Variants in TUSC3 observed in about 807,000 individuals in gnomAD.
TUSC3 encodes the protein dolichyl-diphosphooligosaccharide--protein glycosyltransferase subunit TUSC3.
TUSC3 carries 45 observed loss-of-function variants against 44.8 expected under a neutral mutation model. The ratio of observed to expected loss-of-function variants is 1.00; its 90% CI spans 0.79 to 1.29. TUSC3 has a LOEUF of 1.29. Among genes scored for constraint, TUSC3 ranks in the 50% most tolerant of loss-of-function variants. The pLI, the probability that TUSC3 is intolerant of heterozygous loss-of-function variation, is 0.00. For synonymous variants in TUSC3, 212 were observed against 152.9 expected (o/e 1.39, Z -2.85); for missense variants, 519 against 437.9 (o/e 1.19, Z -1.65).
At chr8:15,642,035 G>T (rs983392763) in intron 2 of TUSC3, among the ~76,000 whole-genome samples, 1 of 152,104 alleles carries the variant, frequency 6.6e-6, no homozygotes, top group Non-Finnish European at 1.5e-5. Context: ...TAATATACCA[G>T]TTATACCTCA....
intron 2 of TUSC3, among the ~76,000 whole-genome samples, chr8:15,527,364 C>T (rs1171726187): frequency 6.6e-6 from 1 of 151,884 alleles, no homozygotes; most frequent in African/African-American, 2.4e-5. Context: ...TTACAGGTGC[C>T]CGGCACCACA....
the TUSC3 span, among the ~76,000 whole-genome samples, chr8:15,797,786 G>C: frequency 4.6e-5 from 7 of 152,306 alleles, no homozygotes; most frequent in African/African-American, 1.4e-4. Flanking sequence ...AGACAACACA[G>C]CAAGTGCTAT....
intron 1 of TUSC3, among the ~76,000 whole-genome samples, chr8:15,583,824 C>G (rs975353635): frequency 2.0e-5 from 3 of 152,020 alleles, no homozygotes; most frequent in Admixed American, 1.3e-4. Context: ...TATGTATATC[C>G]TAAAACCAGA....
chr8:15,728,294 C>G (rs909615722), intron 6 of TUSC3, among the ~76,000 whole-genome samples: 3 of 152,120 alleles, frequency 2.0e-5, no homozygotes, highest in Admixed American at 6.6e-5. Context: ...TTGCAATCAT[C>G]TAGGCAAGAG....
intron 6 of TUSC3, among the ~76,000 whole-genome samples, chr8:15,718,609 G>T (rs921363798): frequency 6.6e-6 from 1 of 151,560 alleles, no homozygotes; most frequent in Non-Finnish European, 1.5e-5. Flanking sequence ...AATATAAAAA[G>T]AGAATAGAAC....
At chr8:15,774,008 C>A in the TUSC3 span, among the ~76,000 whole-genome samples, 2 of 152,088 alleles carry the variant, frequency 1.3e-5, no homozygotes, top group African/African-American at 4.8e-5. Context: ...TTGGATATGA[C>A]TTCAAAAGCA....
Position 15,704,354 on chromosome 8 carries a change from G to T in TUSC3, c.799-26312G>T, listed in dbSNP as rs189733593. Among the ~76,000 whole-genome samples, 34 of 150,726 alleles carry T rather than the reference G, an allele frequency of 2.3e-4. No homozygotes were observed. The East Asian group carries it at 6.7e-3, about 30-fold the overall frequency. The stretch of plus-strand genomic sequence containing the variant: ...GATATGATTAGAGTGACACGGTGCT[G>T]TGCTGTGGGGCAGGGGCAAGAGCAC... On this transcript the variant is annotated intron_variant, in intron 6 of 10. Coordinates refer to ENST00000503731, the MANE Select transcript of TUSC3 (RefSeq NM_006765.4).
At chr8:15,739,222 T>G (rs1284886982) in intron 7 of TUSC3, among the ~76,000 whole-genome samples, 2 of 152,320 alleles carry the variant, frequency 1.3e-5, no homozygotes, top group South Asian at 2.1e-4. Flanking sequence ...AGTTGGACAT[T>G]TACATTTTAA....
chr8:15,433,912 G>T (rs1799911598), intron 1 of TUSC3, among the ~76,000 whole-genome samples: 1 of 152,026 alleles, frequency 6.6e-6, no homozygotes, highest in South Asian at 2.1e-4. Flanking sequence ...AAAACATAAA[G>T]CTAGGAATAT....
chr8:15,548,351 T>C (rs1335582212), intron 1 of TUSC3, among the ~76,000 whole-genome samples: 1 of 151,898 alleles, frequency 6.6e-6, no homozygotes, highest in African/African-American at 2.4e-5. Flanking sequence ...CATCATTATT[T>C]CAGCATCTTG....
At chr8:15,812,773 A>G in the TUSC3 span, among the ~76,000 whole-genome samples, 577 of 152,210 alleles carry the variant, frequency 3.8e-3, 4 homozygotes, top group African/African-American at 0.013. Flanking sequence ...GGAATGTAAC[A>G]TATACCATGA....
chr8:15,527,452 C>T (rs537186193), intron 2 of TUSC3, among the ~76,000 whole-genome samples: 3 of 152,246 alleles, frequency 2.0e-5, no homozygotes, highest in South Asian at 4.1e-4. Context: ...CCTGACCGTA[C>T]GTGATCCACC....
chr8:15,765,673 A>G lies in TUSC3; in HGVS notation c.*1517A>G, dbSNP rs1371679720. 1 of 152,050 alleles carries G rather than the reference A, an allele frequency of 6.6e-6. No individual in the cohort carries two copies. Among genetic ancestry groups the G allele is most frequent in the Non-Finnish European group, 1.5e-5 (1 of 67,964 alleles). The allele number at this position is 152,050 out of a possible 1,614,324, so 9.4% of individuals were successfully genotyped here. A position where few individuals can be genotyped will look rare whatever the true frequency, so the allele number is the denominator to read the frequency against. ...TTATAATCATACTCCCAAATCTGTT[A>G]CTAAAAATAACATAAATTCTCCTAG... is the stretch of plus-strand genomic sequence containing the variant. On this transcript the variant is annotated 3_prime_UTR_variant, in exon 11 of 11. Transcript: ENST00000503731.
At chr8:15,494,558 C>G (rs1027108974) in intron 2 of TUSC3, among the ~76,000 whole-genome samples, 15 of 152,162 alleles carry the variant, frequency 9.9e-5, no homozygotes, top group African/African-American at 3.1e-4. Context: ...ACGTCGTGAT[C>G]TGCACGCCTC....
At chr8:15,573,520 A>G (rs967201912) in intron 1 of TUSC3, among the ~76,000 whole-genome samples, 7 of 151,832 alleles carry the variant, frequency 4.6e-5, no homozygotes, top group African/African-American at 1.7e-4. Context: ...ACCTGAACCT[A>G]GCTGGCTTGG....
intron 1 of TUSC3, among the ~76,000 whole-genome samples, chr8:15,454,647 C>T (rs938488605): frequency 2.6e-5 from 4 of 152,098 alleles, no homozygotes; most frequent in Admixed American, 6.5e-5. Context: ...TTGTGAAATC[C>T]GTCAAATATT....
chr8:15,723,843 G>A (rs1467680619), intron 6 of TUSC3, among the ~76,000 whole-genome samples: 1 of 152,070 alleles, frequency 6.6e-6, no homozygotes, highest in African/African-American at 2.4e-5. Flanking sequence ...TAGTATTTTA[G>A]CACACAAAGG....
At chr8:15,591,680 C>G (rs1027183248) in intron 1 of TUSC3, among the ~76,000 whole-genome samples, 1 of 152,098 alleles carries the variant, frequency 6.6e-6, no homozygotes, top group East Asian at 1.9e-4. Context: ...CAGTGCAGAT[C>G]TGACTTTTAA....
chr8:15,443,581 T>C (rs1960940), intron 1 of TUSC3, among the ~76,000 whole-genome samples: 87,526 of 151,914 alleles, frequency 0.58, 28,581 homozygotes, highest in Non-Finnish European at 0.71. Flanking sequence ...TATTCCTTCC[T>C]GGGTGTAGGC....
Sources: allele counts gnomAD v4.1 joint callset (sites outside exome capture counted in the v4.1 genomes callset), GRCh38; gene constraint gnomAD v4.1.1; transcripts MANE v1.5; gene names NCBI Gene and HGNC (gene_info 2026-07-23, HGNC 2026-07-21).